PPP3CA: variants seen among roughly 807,000 people sequenced by gnomAD.
The protein encoded by PPP3CA is protein phosphatase 3 catalytic subunit alpha, also known as CAM-PRP catalytic subunit.
In PPP3CA, 14 loss-of-function variants were observed where a neutral mutation model predicts 66.5. That is an observed-to-expected ratio of 0.21 (90% CI 0.14 to 0.33). The LOEUF is 0.33. PPP3CA is among the 10% of genes least tolerant of loss of function. The pLI, the probability that PPP3CA is intolerant of heterozygous loss-of-function variation, is 1.00. For missense variants in PPP3CA, 317 were observed against 639.5 expected (o/e 0.50, Z 5.44); for synonymous variants, 232 against 226.2 (o/e 1.03, Z -0.23).
At chr4:101,212,450 C>T (rs1029153109) in intron 1 of PPP3CA, among the ~76,000 whole-genome samples, 10 of 152,006 alleles carry the variant, frequency 6.6e-5, no homozygotes, top group African/African-American at 2.4e-4. Context: ...CAACACACAT[C>T]GGGGCTTGTC....
At chr4:101,164,555 G>A (rs974378496) in intron 2 of PPP3CA, among the ~76,000 whole-genome samples, 2 of 104,886 alleles carry the variant, frequency 1.9e-5, no homozygotes, top group South Asian at 7.3e-4. Context: ...AAAATAATGG[G>A]ATTTAAGTTT....
intron 1 of PPP3CA, among the ~76,000 whole-genome samples, chr4:101,286,675 G>A (rs1207257723): frequency 6.6e-6 from 1 of 152,132 alleles, no homozygotes; most frequent in African/African-American, 2.4e-5. Context: ...TACTCTCACA[G>A]GCCACTGTGT....
chr4:101,269,741 C>T (rs889691818), intron 1 of PPP3CA, among the ~76,000 whole-genome samples: 2 of 152,086 alleles, frequency 1.3e-5, no homozygotes, highest in African/African-American at 4.8e-5. Context: ...ATACTGCTGG[C>T]ATAATTACCC....
At chr4:101,321,850 T>C (rs1729050398) in intron 1 of PPP3CA, among the ~76,000 whole-genome samples, 1 of 152,152 alleles carries the variant, frequency 6.6e-6, no homozygotes, top group Admixed American at 6.5e-5. Flanking sequence ...TTAATAGCAG[T>C]ACTCTGTGAA....
intron 1 of PPP3CA, among the ~76,000 whole-genome samples, chr4:101,293,966 A>C (rs1406460170): frequency 6.6e-6 from 1 of 152,240 alleles, no homozygotes; most frequent in Non-Finnish European, 1.5e-5. Context: ...TTATGTAAGG[A>C]GAATGAATGT....
intron 2 of PPP3CA, among the ~76,000 whole-genome samples, chr4:101,118,497 C>CTCT (rs3077957): frequency 1.6e-4 from 24 of 151,394 alleles, no homozygotes; most frequent in East Asian, 1.4e-3. Context: ...TTTGCTATTA[C>CTCT]TCTTCTTCTT....
chr4:101,034,431 C>T (rs1244709932), intron 11 of PPP3CA, among the ~76,000 whole-genome samples: 11 of 152,108 alleles, frequency 7.2e-5, no homozygotes, highest in South Asian at 2.1e-4. Context: ...CCTTGAAAAA[C>T]GATACAGTGT....
intron 1 of PPP3CA, among the ~76,000 whole-genome samples, chr4:101,220,298 C>CTT (rs1359059287): frequency 5.0e-5 from 2 of 40,250 alleles, no homozygotes; most frequent in East Asian, 3.8e-4. Flanking sequence ...CTTGACAGCA[C>CTT]GTTTTTTTTT....
chr4:101,291,385 G>A (rs997576810), intron 1 of PPP3CA, among the ~76,000 whole-genome samples: 1 of 152,112 alleles, frequency 6.6e-6, no homozygotes, highest in African/African-American at 2.4e-5. Context: ...TATGTAATCT[G>A]AGGATTGCCT....
At chr4:101,070,090 C>A (rs931910051) in intron 8 of PPP3CA, among the ~76,000 whole-genome samples, 1 of 152,020 alleles carries the variant, frequency 6.6e-6, no homozygotes, top group Non-Finnish European at 1.5e-5. Flanking sequence ...TTAGCAAATT[C>A]TTAACTAGGT....
chr4:101,091,441 A>G (rs1336634943), intron 6 of PPP3CA, among the ~76,000 whole-genome samples: 3 of 152,194 alleles, frequency 2.0e-5, no homozygotes, highest in South Asian at 4.1e-4. Context: ...TCCAAAATAT[A>G]GAAGTGAACT....
chr4:101,313,405 T>G (rs1187476838), intron 1 of PPP3CA, among the ~76,000 whole-genome samples: 1 of 152,200 alleles, frequency 6.6e-6, no homozygotes, highest in African/African-American at 2.4e-5. Flanking sequence ...GTCATCTTCA[T>G]TTTCAAGATG....
At chr4:101,259,243 G>C (rs1280595868) in intron 1 of PPP3CA, among the ~76,000 whole-genome samples, 3 of 152,038 alleles carry the variant, frequency 2.0e-5, no homozygotes, top group African/African-American at 7.2e-5. Flanking sequence ...GTCAGAACAT[G>C]GGTCATGAAC....
In PPP3CA at chr4:101,160,660, T is replaced by TA. The variant is rs555474828; in HGVS notation, c.259+35255dup. On this transcript the variant is annotated intron_variant, in intron 2 of 13. Transcript: ENST00000394854. ...CACCCTCTCAAGTAGCAAACACCCT[T>TA]ACACTACTCTAAAAGATAGTGATTT... Among the ~76,000 whole-genome samples, 24 of 152,134 alleles carry TA rather than the reference T, an allele frequency of 1.6e-4. 1 individual carries two copies. In the South Asian group the frequency reaches 5.0e-3, roughly 31 times the overall value.
At chr4:101,325,237 A>C (rs767390235) in intron 1 of PPP3CA, among the ~76,000 whole-genome samples, 12 of 152,208 alleles carry the variant, frequency 7.9e-5, no homozygotes, top group Non-Finnish European at 1.5e-4. Flanking sequence ...CTCAAACTTT[A>C]ATATACATAT....
At chr4:101,291,450 C>T (rs1728024422) in intron 1 of PPP3CA, among the ~76,000 whole-genome samples, 1 of 150,362 alleles carries the variant, frequency 6.7e-6, no homozygotes, top group Non-Finnish European at 1.5e-5. Context: ...TGGAGTACTT[C>T]CTCTGCCCTC....
chr4:101,109,692 T>C (rs1721607176), intron 2 of PPP3CA, among the ~76,000 whole-genome samples: 1 of 147,952 alleles, frequency 6.8e-6, no homozygotes. Context: ...TAAACTTAAA[T>C]TATAAAGGAG....
intron 1 of PPP3CA, among the ~76,000 whole-genome samples, chr4:101,285,430 G>C (rs78052062): frequency 6.6e-6 from 1 of 151,966 alleles, no homozygotes; most frequent in East Asian, 1.9e-4. Flanking sequence ...TATAACCCCT[G>C]TACATATCAA....
chr4:101,184,443 A>C (rs751179527), intron 2 of PPP3CA, among the ~76,000 whole-genome samples: 1 of 152,222 alleles, frequency 6.6e-6, no homozygotes, highest in Non-Finnish European at 1.5e-5. Context: ...CACATGAAAT[A>C]TAGTCAGACT....
Sources: gnomAD v4.1 joint callset for allele counts (sites outside exome capture counted in the v4.1 genomes callset) on GRCh38, gnomAD v4.1.1 for gene constraint, MANE v1.5 for transcripts, NCBI Gene and HGNC (gene_info 2026-07-23, HGNC 2026-07-21) for gene names.